Variants in EYA2 observed in about 807,000 individuals in gnomAD.
EYA2 encodes protein phosphatase EYA2.
EYA2 carries 31 observed loss-of-function variants against 69.2 expected under a neutral mutation model. The observed-to-expected ratio is 0.45, with a 90% confidence interval of 0.34 to 0.60. The LOEUF is 0.60. EYA2 is among the 20% of genes least tolerant of loss of function. The pLI is 0.02. For synonymous variants in EYA2, 257 were observed against 279.4 expected, an observed-to-expected ratio of 0.92 and a Z score of 0.80; for missense variants, 622 against 701.2, an observed-to-expected ratio of 0.89 and a Z score of 1.28.
chr20:47,072,854 G>T (rs1249805127), intron 6 of EYA2, among the ~76,000 whole-genome samples: 1 of 152,072 alleles, frequency 6.6e-6, no homozygotes, highest in Non-Finnish European at 1.5e-5. Context: ...CTGCTTTCAG[G>T]CTACCATTTA....
chr20:46,988,764 C>T (rs894324379), intron 1 of EYA2, among the ~76,000 whole-genome samples: 4 of 152,178 alleles, frequency 2.6e-5, no homozygotes, highest in South Asian at 4.1e-4. Context: ...GGCAGTGGCA[C>T]GATTAGAGCT....
At chr20:46,949,380 A>G (rs1262331710) in intron 1 of EYA2, among the ~76,000 whole-genome samples, 3 of 152,230 alleles carry the variant, frequency 2.0e-5, no homozygotes, top group Admixed American at 6.5e-5. Flanking sequence ...AGAGTAAGTC[A>G]GGCCAAACCT....
chr20:47,146,205 G>A (rs926505699), intron 10 of EYA2, among the ~76,000 whole-genome samples: 11 of 152,196 alleles, frequency 7.2e-5, no homozygotes, highest in East Asian at 1.9e-4. Flanking sequence ...TCTGGGGTAC[G>A]TGGGGTTTGA....
intron 2 of EYA2, among the ~76,000 whole-genome samples, chr20:47,000,868 T>C (rs1206800): frequency 0.34 from 51,536 of 151,814 alleles, 9,397 homozygotes; most frequent in African/African-American, 0.48. Flanking sequence ...GCACCTGCAC[T>C]CCATGGACTG....
intron 10 of EYA2, among the ~76,000 whole-genome samples, 162 bp downstream of exon 10, chr20:47,143,310 A>T (rs1444752235): frequency 1.3e-5 from 2 of 152,092 alleles, no homozygotes; most frequent in South Asian, 4.2e-4. Context: ...AAAAGGCCCA[A>T]AACTGTGGCC....
chr20:46,974,314 A>G (rs1305076318), intron 1 of EYA2, among the ~76,000 whole-genome samples: 1 of 152,156 alleles, frequency 6.6e-6, no homozygotes, highest in East Asian at 1.9e-4. Flanking sequence ...AGTTTCTCTT[A>G]CCCATTTTCC....
At chr20:47,131,284 C>G (rs2033335791) in intron 9 of EYA2, among the ~76,000 whole-genome samples, 1 of 152,036 alleles carries the variant, frequency 6.6e-6, no homozygotes. Context: ...TCCTTGGCAC[C>G]CCCAAATACC....
At chr20:47,147,192 G>A (rs2033721379) in intron 10 of EYA2, among the ~76,000 whole-genome samples, 1 of 151,616 alleles carries the variant, frequency 6.6e-6, no homozygotes, top group Non-Finnish European at 1.5e-5. Flanking sequence ...GAGATTACAG[G>A]CACACGCCAC....
chr20:47,142,772 A>G (rs1427725759), intron 9 of EYA2, among the ~76,000 whole-genome samples: 1 of 152,254 alleles, frequency 6.6e-6, no homozygotes, highest in African/African-American at 2.4e-5. Context: ...ATCTGTGATA[A>G]GTGTCCTTGC....
intron 7 of EYA2, among the ~76,000 whole-genome samples, chr20:47,082,516 G>A (rs1568766836): frequency 6.6e-6 from 1 of 152,118 alleles, no homozygotes; most frequent in Non-Finnish European, 1.5e-5. Flanking sequence ...GTTAAATTTG[G>A]CAAAAGATAT....
At chr20:47,151,928 G>C (rs1349234693) in intron 10 of EYA2, among the ~76,000 whole-genome samples, 13 of 151,904 alleles carry the variant, frequency 8.6e-5, no homozygotes, top group Admixed American at 8.5e-4. Flanking sequence ...CCCCATCCAT[G>C]GTAACAACTG....
chr20:47,063,392 C>CGTGTGCGTGT (rs1430441053), intron 5 of EYA2, among the ~76,000 whole-genome samples: 7 of 143,490 alleles, frequency 4.9e-5, no homozygotes, highest in African/African-American at 1.6e-4. Context: ...TGTGCGTGTG[C>CGTGTGCGTGT]GTGTGTGTGT....
intron 10 of EYA2, among the ~76,000 whole-genome samples, chr20:47,163,554 T>C (rs3092788): frequency 0.6 from 89,868 of 151,032 alleles, 27,596 homozygotes; most frequent in African/African-American, 0.76. Context: ...CAAAATTAGC[T>C]GGGCGTGGTG....
At chr20:47,052,822 C>A (rs945675462) in intron 5 of EYA2, among the ~76,000 whole-genome samples, 1 of 152,054 alleles carries the variant, frequency 6.6e-6, no homozygotes, top group Non-Finnish European at 1.5e-5. Context: ...TGGGATCTCA[C>A]TATGTTGCCC....
chr20:47,121,450 A>G (rs1040728142), intron 9 of EYA2, among the ~76,000 whole-genome samples: 22 of 152,154 alleles, frequency 1.4e-4, no homozygotes, highest in African/African-American at 4.8e-4. Flanking sequence ...TGGGTAGTTT[A>G]TGGTCTTCAA....
chr20:46,930,121 A>G (rs1350241928), intron 1 of EYA2, among the ~76,000 whole-genome samples: 3 of 152,234 alleles, frequency 2.0e-5, no homozygotes, highest in Non-Finnish European at 4.4e-5. Flanking sequence ...ATGCAGAGTT[A>G]CTTACCAGGA....
chr20:47,179,355 T>TGGGG (rs1365869038), intron 12 of EYA2, among the ~76,000 whole-genome samples: 5 of 73,698 alleles, frequency 6.8e-5, no homozygotes, highest in African/African-American at 1.1e-4. Flanking sequence ...GGTGGGTGGG[T>TGGGG]GGATAGATGG....
intron 1 of EYA2, among the ~76,000 whole-genome samples, chr20:46,920,883 C>T (rs765338928): frequency 2.6e-5 from 4 of 152,214 alleles, no homozygotes; most frequent in Admixed American, 6.5e-5. Context: ...TTGGTTAGTA[C>T]GGCATCTCTT....
chr20:47,041,369 A>G (rs1568740727), intron 5 of EYA2, among the ~76,000 whole-genome samples: 1 of 152,192 alleles, frequency 6.6e-6, no homozygotes, highest in Non-Finnish European at 1.5e-5. Context: ...CTTTTAACCC[A>G]TAGCCATCCA....
Sources: allele counts gnomAD v4.1 joint callset (sites outside exome capture counted in the v4.1 genomes callset), GRCh38; gene constraint gnomAD v4.1.1; transcripts MANE v1.5; gene names NCBI Gene and HGNC (gene_info 2026-07-23, HGNC 2026-07-21).